Variants in KLRG2 observed in about 807,000 individuals in gnomAD.
KLRG2 encodes the protein killer cell lectin-like receptor subfamily G member 2.
KLRG2 carries 39 observed loss-of-function variants against 35.4 expected under a neutral mutation model. The ratio of observed to expected loss-of-function variants is 1.10; its 90% CI spans 0.85 to 1.44. The LOEUF (loss-of-function observed/expected upper bound fraction) is 1.44. KLRG2 is among the 40% of genes most tolerant of loss of function. The probability of loss-of-function intolerance (pLI) is 0.00; values close to 1 mark genes in which losing one functional copy is unlikely to be tolerated. For missense variants in KLRG2, 632 were observed against 570.9 expected (o/e 1.11, Z -1.09); for synonymous variants, 283 against 265.8 (o/e 1.06, Z -0.63).
chr7:139,474,856 T>C (rs1171071082), intron 3 of KLRG2, among the ~76,000 whole-genome samples: 2 of 152,224 alleles, frequency 1.3e-5, no homozygotes, highest in Non-Finnish European at 2.9e-5. Context: ...CAGGATTTGT[T>C]ATAATGCTGT....
At chr7:139,462,787 CTGTTCCCAA>C (rs144281273) in intron 3 of KLRG2, among the ~76,000 whole-genome samples, 1,661 of 152,280 alleles carry the variant, frequency 0.011, 26 homozygotes, top group African/African-American at 0.038. Context: ...TCCCTAGTCT[CTGTTCCCAA>C]TGCAATTAGT....
intron 3 of KLRG2, among the ~76,000 whole-genome samples, chr7:139,459,206 C>A (rs148762598): frequency 6.6e-6 from 1 of 152,184 alleles, no homozygotes; most frequent in Non-Finnish European, 1.5e-5. Flanking sequence ...CCACCTCCCC[C>A]CATTGGCAAC....
chr7:139,433,725 T>G, the KLRG2 span, among the ~76,000 whole-genome samples: 4 of 143,504 alleles, frequency 2.8e-5, no homozygotes, highest in South Asian at 9.2e-4. Flanking sequence ...AACCTCCACC[T>G]CCGGGGTTCA....
intron 3 of KLRG2, among the ~76,000 whole-genome samples, chr7:139,473,484 C>T (rs1796796221): frequency 1.3e-5 from 2 of 152,090 alleles, no homozygotes; most frequent in Admixed American, 1.3e-4. Context: ...ACCCTCCCAC[C>T]CGACATAGAA....
intron 3 of KLRG2, 73 bp downstream of exon 3, chr7:139,479,554 G>A (rs1371300013): frequency 1.4e-6 from 2 of 1,439,828 alleles, no homozygotes; most frequent in South Asian, 1.2e-5. Context: ...CAATCATTAA[G>A]CTTCTTTCCA....
intron 3 of KLRG2, among the ~76,000 whole-genome samples, chr7:139,464,207 C>T (rs570110281): frequency 1.8e-3 from 273 of 152,228 alleles, no homozygotes; most frequent in Non-Finnish European, 3.4e-3. Flanking sequence ...CTACTCCCTC[C>T]TTGGCGATTG....
the KLRG2 span, among the ~76,000 whole-genome samples, chr7:139,438,052 T>C: frequency 1.3e-5 from 2 of 152,180 alleles, no homozygotes; most frequent in Admixed American, 6.5e-5. Flanking sequence ...TCTCTTGCCA[T>C]TGTCATAAGA....
chr7:139,466,756 A>AAAAAAATT (rs1458988891), intron 3 of KLRG2, among the ~76,000 whole-genome samples: 10 of 126,876 alleles, frequency 7.9e-5, no homozygotes, highest in African/African-American at 3.2e-4. Context: ...AAAAAAAATA[A>AAAAAAATT]AAAAAGGGGG....
intron 3 of KLRG2, among the ~76,000 whole-genome samples, chr7:139,454,847 AATAAT>A (rs1401970551): frequency 7.0e-6 from 1 of 143,414 alleles, no homozygotes; most frequent in Non-Finnish European, 1.5e-5. Context: ...TAATAATAAT[AATAAT>A]AATAATAATA....
At chr7:139,432,185 G>A in the KLRG2 span, among the ~76,000 whole-genome samples, 22 of 152,126 alleles carry the variant, frequency 1.4e-4, no homozygotes, top group East Asian at 4.3e-3. Flanking sequence ...GGGAGATCCT[G>A]TCTCTACAAA....
chr7:139,471,479 T>A (rs932091156), intron 3 of KLRG2, among the ~76,000 whole-genome samples: 1 of 152,008 alleles, frequency 6.6e-6, no homozygotes, highest in African/African-American at 2.4e-5. Flanking sequence ...CTGGCCAACA[T>A]GGTGAAACTC....
In KLRG2 at chr7:139,453,122, C is replaced by A. The variant is rs145841408; in HGVS notation, c.*465G>T. 1.0e-5 allele frequency: 2 copies of A among 200,768 alleles called. No individual in the cohort carries two copies. The highest frequency in any genetic ancestry group is 1.2e-4 in the Admixed American group (2 of 16,306). 12.4% of individuals were successfully genotyped at this position (200,768 alleles called of 1,614,324 possible). A position where few individuals can be genotyped will look rare whatever the true frequency, so the allele number is the denominator to read the frequency against. Reference sequence around the variant, plus strand: ...GCCGGTAGGCTGTGTCCGATGTACACCCAGCTGCCTGAAGTAGAATTCACA... The same window carrying A: ...GCCGGTAGGCTGTGTCCGATGTACAACCAGCTGCCTGAAGTAGAATTCACA... On this transcript the variant is annotated 3_prime_UTR_variant, in exon 5 of 5. Transcript: ENST00000340940.
At chr7:139,452,270 C>T (rs1212367859), downstream of KLRG2, among the ~76,000 whole-genome samples, 1 of 152,028 alleles carries the variant, frequency 6.6e-6, no homozygotes, top group African/African-American at 2.4e-5. Flanking sequence ...GCCACCGTGC[C>T]CGGCCTCCAT....
the KLRG2 span, among the ~76,000 whole-genome samples, chr7:139,440,833 ACAATT>A: frequency 2.0e-5 from 3 of 152,240 alleles, no homozygotes; most frequent in African/African-American, 7.2e-5. Flanking sequence ...TTTGGGGGAC[ACAATT>A]CAATCTATAA....
chr7:139,447,595 G>A, the KLRG2 span, among the ~76,000 whole-genome samples: 7 of 151,832 alleles, frequency 4.6e-5, no homozygotes, highest in Non-Finnish European at 8.8e-5. Flanking sequence ...GAGACCGGGG[G>A]TTTCACCATG....
chr7:139,430,292 C>G, the KLRG2 span, among the ~76,000 whole-genome samples: 12 of 151,946 alleles, frequency 7.9e-5, no homozygotes, highest in African/African-American at 2.7e-4. Context: ...ATCCCAGGTA[C>G]TTGGGAGGCT....
chr7:139,440,410 G>C, the KLRG2 span, among the ~76,000 whole-genome samples: 1 of 61,252 alleles, frequency 1.6e-5, no homozygotes, highest in African/African-American at 1.8e-4. Context: ...ACCACACCTG[G>C]CTTTTTTTTT....
rs1796970373 is a variant in KLRG2 at position 139,482,067 on chromosome 7, C to T, written c.757+819G>A. Reference sequence around the variant, plus strand: ...GCTCTTTCTTCTGTGTCAAGCTCCCCCTCCCCCACACCACAAAATAACCAG... The same window carrying T: ...GCTCTTTCTTCTGTGTCAAGCTCCCTCTCCCCCACACCACAAAATAACCAG... On this transcript the variant is annotated intron_variant, in intron 1 of 4. Transcript: ENST00000340940. Among the ~76,000 whole-genome samples, 4 of 152,302 alleles carry T rather than the reference C, an allele frequency of 2.6e-5. No homozygotes were observed. In the South Asian group the frequency reaches 8.3e-4, roughly 32 times the overall value.
At chr7:139,474,757 T>C (rs1172849705) in intron 3 of KLRG2, among the ~76,000 whole-genome samples, 1 of 151,956 alleles carries the variant, frequency 6.6e-6, no homozygotes, top group Non-Finnish European at 1.5e-5. Flanking sequence ...TGAAACTTTG[T>C]CTCAAAAAAA....
Sources: gnomAD v4.1 joint callset for allele counts (sites outside exome capture counted in the v4.1 genomes callset) on GRCh38, gnomAD v4.1.1 for gene constraint, MANE v1.5 for transcripts, NCBI Gene and HGNC (gene_info 2026-07-23, HGNC 2026-07-21) for gene names.